GALNT2: variants seen among roughly 807,000 people sequenced by gnomAD.
GALNT2 encodes UDP-GalNAc:polypeptide N-acetylgalactosaminyltransferase 2.
In GALNT2, 31 loss-of-function variants were observed where a neutral mutation model predicts 81.4. The observed-to-expected ratio is 0.38, with a 90% confidence interval of 0.29 to 0.51. The LOEUF is 0.51. GALNT2 is among the 20% of genes least tolerant of loss of function. GALNT2 has a pLI of 0.87. For synonymous variants in GALNT2, 303 were observed against 287.4 expected (o/e 1.05, Z -0.55); for missense variants, 629 against 765.7 (o/e 0.82, Z 2.11).
intron 1 of GALNT2, among the ~76,000 whole-genome samples, chr1:230,099,993 C>T (rs1187906473): frequency 6.6e-6 from 1 of 152,212 alleles, no homozygotes; most frequent in Non-Finnish European, 1.5e-5. Context: ...CCAACCAAGA[C>T]CTAGGCTCCT....
chr1:230,131,979 G>A (rs943041767), intron 1 of GALNT2, among the ~76,000 whole-genome samples: 3 of 152,122 alleles, frequency 2.0e-5, no homozygotes, highest in Non-Finnish European at 2.9e-5. Context: ...CTGACCAATC[G>A]TTACCTCCTT....
chr1:230,195,255 T>C (rs1011144682), intron 2 of GALNT2, among the ~76,000 whole-genome samples: 2 of 152,020 alleles, frequency 1.3e-5, no homozygotes, highest in African/African-American at 4.8e-5. Context: ...ATTGTCTCTG[T>C]GTTTGTTGCT....
At chr1:230,158,751 C>G (rs1235014851) in intron 1 of GALNT2, among the ~76,000 whole-genome samples, 1 of 152,238 alleles carries the variant, frequency 6.6e-6, no homozygotes, top group Middle Eastern at 3.2e-3. Context: ...GAAGCTCTTG[C>G]ATGTTGCAAC....
Position 230,193,720 on chromosome 1 carries a change from G to A in GALNT2, c.221-9417G>A, listed in dbSNP as rs1663600956. On this transcript the variant is annotated intron_variant, in intron 2 of 15. Transcript: ENST00000366672. The surrounding 1 kb of genome is among the most constrained non-coding windows in gnomAD (Gnocchi z 4.3). ...ATCCAAATGCAAGTAGTCCCCTGAT[G>A]ACAAAAGCGTCTTTTTCAAAAAGTT... Among the ~76,000 whole-genome samples, 1 of 152,164 alleles carries A rather than the reference G, an allele frequency of 6.6e-6. No homozygotes were observed. The highest frequency in any genetic ancestry group is 2.4e-5 in the African/African-American group (1 of 41,422).
At chr1:230,256,339 G>A (rs550164400) in intron 11 of GALNT2, among the ~76,000 whole-genome samples, 45 of 152,090 alleles carry the variant, frequency 3.0e-4, no homozygotes, top group African/African-American at 4.1e-4. Flanking sequence ...CCAGCTACTC[G>A]GGAGGCTGAG....
chr1:230,176,665 CCTA>C (rs1350209590), intron 1 of GALNT2, among the ~76,000 whole-genome samples: 1 of 152,192 alleles, frequency 6.6e-6, no homozygotes, highest in African/African-American at 2.4e-5. Context: ...CTCACCGTTG[CCTA>C]TCTGCCAGGG....
At chr1:230,253,521 T>C (rs187149394) in intron 10 of GALNT2, among the ~76,000 whole-genome samples, 248 of 152,390 alleles carry the variant, frequency 1.6e-3, no homozygotes, top group African/African-American at 5.7e-3. Flanking sequence ...CTGTAGATAC[T>C]ATATGTGTAT....
At chr1:230,163,421 A>C (rs1249806104) in intron 1 of GALNT2, among the ~76,000 whole-genome samples, 1 of 152,188 alleles carries the variant, frequency 6.6e-6, no homozygotes, top group African/African-American at 2.4e-5. Flanking sequence ...GCGATCTCTC[A>C]TGCTTTAGCG....
At chr1:230,072,410 T>C (rs1333123355) in intron 1 of GALNT2, among the ~76,000 whole-genome samples, 1 of 151,728 alleles carries the variant, frequency 6.6e-6, no homozygotes, top group Non-Finnish European at 1.5e-5. Context: ...GAGACACAGG[T>C]GTAAGCAGGA....
Position 230,262,663 on chromosome 1 carries a change from A to G in GALNT2, c.1227A>G (p.Gly409=). ...AVPSARNVPY[G]NIQSRLELRK... The stretch of plus-strand genomic sequence containing the variant: ...CTTCTGCTAGAAACGTTCCTTATGG[A>G]AAGTAAGTGGCAGTTCTGCCTTCTC... The change falls in exon 12 of 16, where the codon GGA becomes GGG. Residue 409 remains glycine (G), a splice_region_variant and synonymous_variant. Coordinates refer to ENST00000366672, the MANE Select transcript of GALNT2 (RefSeq NM_004481.5). The G allele has an allele frequency of 6.2e-7, 1 of 1,612,486 alleles. No homozygotes were observed. Among genetic ancestry groups the G allele is most frequent in the Non-Finnish European group, 8.5e-7 (1 of 1,178,524 alleles).
chr1:230,078,853 G>A (rs1659643909), intron 1 of GALNT2, among the ~76,000 whole-genome samples: 1 of 152,030 alleles, frequency 6.6e-6, no homozygotes, highest in African/African-American at 2.4e-5. Context: ...ACCCAGGCTG[G>A]AGTATAGTGG....
chr1:230,082,957 C>T (rs1571940151), intron 1 of GALNT2, among the ~76,000 whole-genome samples: 1 of 140,708 alleles, frequency 7.1e-6, no homozygotes, highest in Admixed American at 7.0e-5. Flanking sequence ...TGGAGCAGAG[C>T]AGCTGGGATG....
At chr1:230,100,486 C>T (rs1434866551) in intron 1 of GALNT2, among the ~76,000 whole-genome samples, 4 of 152,036 alleles carry the variant, frequency 2.6e-5, no homozygotes, top group South Asian at 2.1e-4. Flanking sequence ...CCACCACACC[C>T]GGCTAATTTT....
chr1:230,065,649 AG>A (rs1659155007), upstream of GALNT2, among the ~76,000 whole-genome samples: 1 of 152,210 alleles, frequency 6.6e-6, no homozygotes. Context: ...ATTTTGAGGC[AG>A]GGTTCCCGGT....
chr1:230,263,207 G>C (rs369261627), intron 13 of GALNT2: 3 of 575,610 alleles, frequency 5.2e-6, no homozygotes, highest in African/African-American at 3.7e-5. Context: ...CTGTCCTGCA[G>C]AGCTGCCCTC....
At chr1:230,090,004 C>T (rs1353990113) in intron 1 of GALNT2, among the ~76,000 whole-genome samples, 2 of 152,210 alleles carry the variant, frequency 1.3e-5, no homozygotes, top group Non-Finnish European at 2.9e-5. Context: ...ATTTTACATT[C>T]CCACCAACTG....
At chr1:230,220,038 T>G (rs1347715738) in intron 3 of GALNT2, among the ~76,000 whole-genome samples, 1 of 152,238 alleles carries the variant, frequency 6.6e-6, no homozygotes, top group Non-Finnish European at 1.5e-5. Context: ...GAATTCAGAT[T>G]GTTAAAAAAA....
At chr1:230,190,812 C>A (rs545041109) in intron 2 of GALNT2, among the ~76,000 whole-genome samples, 1 of 152,142 alleles carries the variant, frequency 6.6e-6, no homozygotes. Flanking sequence ...TTAATGGCAG[C>A]AACATCTCGA....
At chr1:230,270,315 G>A (rs1666134500) in intron 14 of GALNT2, among the ~76,000 whole-genome samples, 1 of 152,246 alleles carries the variant, frequency 6.6e-6, no homozygotes, top group Non-Finnish European at 1.5e-5. Flanking sequence ...ATGACATGAT[G>A]TATGTTACAC....
Sources: gnomAD v4.1 joint callset for allele counts (sites outside exome capture counted in the v4.1 genomes callset) on GRCh38, gnomAD v4.1.1 for gene constraint, Gnocchi (gnomAD v3.1) non-coding constraint, MANE v1.5 for transcripts, NCBI Gene and HGNC (gene_info 2026-07-23, HGNC 2026-07-21) for gene names.